PDE1C: variants seen among roughly 807,000 people sequenced by gnomAD.
The protein encoded by PDE1C is dual specificity calcium/calmodulin-dependent 3',5'-cyclic nucleotide phosphodiesterase 1C.
PDE1C carries 62 observed loss-of-function variants against 93.1 expected under a neutral mutation model. That is an observed-to-expected ratio of 0.67 (90% CI 0.54 to 0.82). The LOEUF (loss-of-function observed/expected upper bound fraction) is 0.82. PDE1C is among the 40% of genes least tolerant of loss of function. The pLI is 0.00. For missense variants in PDE1C, 742 were observed against 884.6 expected, an observed-to-expected ratio of 0.84 and a Z score of 2.04; for synonymous variants, 325 against 310.1, an observed-to-expected ratio of 1.05 and a Z score of -0.50.
At chr7:31,823,017 G>C in intron 14 of PDE1C, 56 bp downstream of exon 14, 1 of 1,427,000 alleles carries the variant, frequency 7.0e-7, no homozygotes, top group Non-Finnish European at 9.4e-7. Context: ...ACATAACTCA[G>C]AGAGGACAAC....
intron 1 of PDE1C, among the ~76,000 whole-genome samples, chr7:32,318,677 G>C (rs1783222619): frequency 6.6e-6 from 1 of 152,204 alleles, no homozygotes. Context: ...GGTGACATGG[G>C]TGAAGGGCTG....
upstream of PDE1C, chr7:32,070,884 C>A (rs1230188370): frequency 2.9e-5 from 29 of 985,778 alleles, no homozygotes; most frequent in Non-Finnish European, 3.5e-5. Context: ...GGGGCCTGAC[C>A]CGGACGCCGC....
At chr7:32,093,798 GGCCAGAACC>G (rs1478418769) in intron 3 of PDE1C, among the ~76,000 whole-genome samples, 2 of 152,210 alleles carry the variant, frequency 1.3e-5, no homozygotes, top group African/African-American at 4.8e-5. Flanking sequence ...CTGTGCCAGG[GGCCAGAACC>G]CCTCGCTGAA....
intron 1 of PDE1C, among the ~76,000 whole-genome samples, chr7:32,400,921 T>C (rs1784929779): frequency 6.6e-6 from 1 of 152,242 alleles, no homozygotes. Flanking sequence ...TGACCTGTGC[T>C]CTTCACTGTG....
chr7:31,804,403 T>TC (rs1368261521), intron 16 of PDE1C, among the ~76,000 whole-genome samples: 1 of 151,848 alleles, frequency 6.6e-6, no homozygotes, highest in African/African-American at 2.4e-5. Context: ...CTTGGATGGT[T>TC]CTGTTCTGGC....
intron 2 of PDE1C, among the ~76,000 whole-genome samples, chr7:32,046,870 C>T (rs1044845494): frequency 1.3e-5 from 2 of 152,066 alleles, no homozygotes; most frequent in African/African-American, 4.8e-5. Flanking sequence ...CCTGGTATGG[C>T]TTTTTTAAGC....
intron 3 of PDE1C, among the ~76,000 whole-genome samples, chr7:32,087,865 G>C (rs148348634): frequency 0.046 from 6,924 of 151,062 alleles, 250 homozygotes; most frequent in East Asian, 0.13. Context: ...GTGGTGGGAG[G>C]GGGGAGGGAT....
At chr7:32,068,409 G>A (rs1174909073) in intron 1 of PDE1C, among the ~76,000 whole-genome samples, 1 of 152,116 alleles carries the variant, frequency 6.6e-6, no homozygotes, top group Non-Finnish European at 1.5e-5. Flanking sequence ...AAAAGAAGAA[G>A]AAGAAGAAGT....
intron 2 of PDE1C, among the ~76,000 whole-genome samples, chr7:31,923,082 T>A (rs1327805027): frequency 2.6e-5 from 4 of 152,092 alleles, no homozygotes; most frequent in Non-Finnish European, 4.4e-5. Flanking sequence ...CAGGGAGAGC[T>A]GGGGGGACTC....
intron 2 of PDE1C, among the ~76,000 whole-genome samples, chr7:32,206,040 G>A (rs953778286): frequency 4.6e-5 from 7 of 152,154 alleles, no homozygotes; most frequent in Admixed American, 3.9e-4. Flanking sequence ...TACTGTTCTA[G>A]GATCAAGGTG....
At chr7:32,180,842 G>T in intron 2 of PDE1C, among the ~76,000 whole-genome samples, 1 of 152,160 alleles carries the variant, frequency 6.6e-6, no homozygotes, top group East Asian at 1.9e-4. Context: ...CTCACACACT[G>T]CTGCTTTCTG....
At chr7:32,179,263 G>GTA (rs1177052428) in intron 2 of PDE1C, among the ~76,000 whole-genome samples, 67 of 114,150 alleles carry the variant, frequency 5.9e-4, no homozygotes, top group African/African-American at 2.2e-3. Context: ...TCCTGACTTA[G>GTA]TCTTTTTTTT....
chr7:32,392,510 C>T lies in PDE1C; in HGVS notation c.310+35312G>A, dbSNP rs941667415. ...CAAGAAAAGAAAACTACACCAATAT[C>T]CCTCATGAATAGAGACACAAAAATC... On this transcript the variant is annotated intron_variant, in intron 1 of 1. Coordinates refer to the PDE1C transcript ENST00000672256. 2.6e-5 allele frequency among the ~76,000 whole-genome samples: 4 copies of T among 152,194 alleles called. No homozygotes were observed. In the South Asian group the frequency reaches 8.3e-4, roughly 32 times the overall value.
chr7:32,417,601 T>C (rs1394106306), intron 1 of PDE1C, among the ~76,000 whole-genome samples: 1 of 150,458 alleles, frequency 6.6e-6, no homozygotes, highest in African/African-American at 2.5e-5. Flanking sequence ...CCTGCCCGTG[T>C]AACTATAAGC....
At chr7:31,688,460 G>T in the PDE1C span, among the ~76,000 whole-genome samples, 1 of 152,206 alleles carries the variant, frequency 6.6e-6, no homozygotes, top group Admixed American at 6.5e-5. Context: ...ACCAGCTTCT[G>T]ACCACACACT....
chr7:31,855,714 A>C (rs1043107534), intron 7 of PDE1C, among the ~76,000 whole-genome samples: 7 of 148,526 alleles, frequency 4.7e-5, no homozygotes, highest in Admixed American at 3.3e-4. Context: ...AAATAAATAA[A>C]AAATAAAAAT....
At chr7:31,709,257 T>C in the PDE1C span, among the ~76,000 whole-genome samples, 2 of 152,198 alleles carry the variant, frequency 1.3e-5, no homozygotes, top group East Asian at 3.8e-4. Flanking sequence ...AATAAAAGCC[T>C]TGGGTCTAGC....
chr7:32,115,757 C>T (rs1404453536), intron 3 of PDE1C, among the ~76,000 whole-genome samples: 1 of 152,104 alleles, frequency 6.6e-6, no homozygotes, highest in Non-Finnish European at 1.5e-5. Context: ...GACTTCATTC[C>T]CCAATTCCTT....
In PDE1C at chr7:32,383,338, T is replaced by A. The variant is rs138938571; in HGVS notation, c.310+44484A>T. ...AGTGATAGAGCCCTGAACTGACTAC[T>A]CAAAGGCTGAGGTTTGAGTCCAAGC... On this transcript the variant is annotated intron_variant, in intron 1 of 1. Transcript: ENST00000672256. Among the ~76,000 whole-genome samples the A allele has an allele frequency of 1.4e-3, 218 of 152,332 alleles. 1 individual carries two copies. The highest frequency in any genetic ancestry group is 5.1e-3 in the African/African-American group (211 of 41,580).
Sources: allele counts gnomAD v4.1 joint callset (sites outside exome capture counted in the v4.1 genomes callset), GRCh38; gene constraint gnomAD v4.1.1; transcripts MANE v1.5; gene names NCBI Gene and HGNC (gene_info 2026-07-23, HGNC 2026-07-21).